Variants in DNAAF5 observed in about 807,000 individuals in gnomAD.
The protein encoded by DNAAF5 is HEAT repeat containing 2.
DNAAF5 carries 64 observed loss-of-function variants against 75.8 expected under a neutral mutation model. The observed-to-expected ratio is 0.84, with a 90% CI of 0.69 to 1.04. DNAAF5 has a LOEUF of 1.04. Ranked by LOEUF, DNAAF5 falls within the 50% of genes least tolerant of loss-of-function variation. DNAAF5 has a pLI of 0.00. For synonymous variants in DNAAF5, 657 were observed against 557.2 expected, an observed-to-expected ratio of 1.18 and a Z score of -2.52; for missense variants, 1,269 against 1,178.5, an observed-to-expected ratio of 1.08 and a Z score of -1.12.
At chr7:776,702 G>T (rs1220145308) in intron 11 of DNAAF5, among the ~76,000 whole-genome samples, 1 of 152,210 alleles carries the variant, frequency 6.6e-6, no homozygotes, top group Non-Finnish European at 1.5e-5. Flanking sequence ...CCGAAAAGCA[G>T]CAGCACTGAA....
chr7:727,308 C>G lies in DNAAF5; in HGVS notation c.588C>G (p.Ala196=), dbSNP rs1187402807. 5 of 1,289,134 alleles carry G rather than the reference C, an allele frequency of 3.9e-6. No individual in the cohort carries two copies. The East Asian group carries it at 9.7e-5, about 25-fold the overall frequency. The allele number at this position is 1,289,134 out of a possible 1,614,324, so 79.9% of individuals were successfully genotyped here. The change falls in exon 1 of 13, where the codon GCC becomes GCG. Residue 196 remains alanine, a synonymous_variant. Transcript: ENST00000297440. ...SCSCAAALAQ[A]TPDHFHMQSE... The stretch of plus-strand genomic sequence containing the variant: ...GCTGCGCCGCCGCCCTGGCGCAGGC[C>G]ACGCCCGGTGAGCACCCCGGGCCCC...
Position 753,440 on chromosome 7 carries a change from C to T in DNAAF5, c.1025-1149C>T, listed in dbSNP as rs187643506. 1.3e-4 allele frequency among the ~76,000 whole-genome samples: 20 copies of T among 152,312 alleles called. No individual in the cohort carries two copies. The East Asian group carries it at 3.5e-3, about 26-fold the overall frequency. On this transcript the variant is annotated intron_variant, in intron 4 of 12. Coordinates refer to ENST00000297440, the MANE Select transcript of DNAAF5 (RefSeq NM_017802.4). ...AGTCACGGGACAGATCCAGGGGTGC[C>T]GGGGTGCCTTGGGGGCTGCAGTGCA... is the stretch of plus-strand genomic sequence containing the variant.
chr7:782,606 G>A (rs186125133), intron 12 of DNAAF5, among the ~76,000 whole-genome samples: 23 of 142,908 alleles, frequency 1.6e-4, no homozygotes, highest in East Asian at 6.3e-4. Flanking sequence ...GTCCCGTTAC[G>A]CAGCGTCAGA....
chr7:780,721 C>T (rs1172294444), intron 12 of DNAAF5, among the ~76,000 whole-genome samples: 3 of 152,236 alleles, frequency 2.0e-5, no homozygotes, highest in Non-Finnish European at 4.4e-5. Flanking sequence ...AGGTCACTCA[C>T]AGCACAGGGC....
chr7:756,362 G>A (rs1282710221), intron 5 of DNAAF5, among the ~76,000 whole-genome samples: 5 of 149,542 alleles, frequency 3.3e-5, no homozygotes, highest in African/African-American at 1.2e-4. Context: ...GGGCTGGTGT[G>A]TGGTGTCCAC....
chr7:751,946 T>C (rs1263689533), intron 4 of DNAAF5, among the ~76,000 whole-genome samples: 1 of 152,060 alleles, frequency 6.6e-6, no homozygotes, highest in Non-Finnish European at 1.5e-5. Context: ...AAACTGATTG[T>C]GAAATTCTCG....
intron 4 of DNAAF5, among the ~76,000 whole-genome samples, chr7:744,229 G>A (rs1184168110): frequency 1.3e-5 from 2 of 152,220 alleles, no homozygotes; most frequent in African/African-American, 4.8e-5. Context: ...TGAGAATGAT[G>A]ATTTTGAATT....
chr7:783,304 G>T (rs1257110191), intron 12 of DNAAF5, among the ~76,000 whole-genome samples: 3 of 152,196 alleles, frequency 2.0e-5, no homozygotes, highest in African/African-American at 7.2e-5. Context: ...AGCCGTGTGC[G>T]TGAGGGTGAG....
intron 8 of DNAAF5, chr7:768,996 G>C: frequency 1.7e-6 from 1 of 600,326 alleles, no homozygotes; most frequent in Non-Finnish European, 3.0e-6. Context: ...TCGGTGCAAC[G>C]CCTCCTGCCC....
chr7:778,224 TGGCGGAAA>T (rs1778827096), intron 11 of DNAAF5: 1 of 152,234 alleles, frequency 6.6e-6, no homozygotes, highest in African/African-American at 2.4e-5. Flanking sequence ...AAACAGGAGC[TGGCGGAAA>T]GGCTGCACGC....
Position 785,936 on chromosome 7 carries a change from C to T in DNAAF5, c.*283C>T. Reference sequence around the variant, plus strand: ...GCTCCTCCCGCAGCCACTTCAGCAGCATCTTAGATTTTAAGCCTCACGTGC... The same window carrying T: ...GCTCCTCCCGCAGCCACTTCAGCAGTATCTTAGATTTTAAGCCTCACGTGC... On this transcript the variant is annotated 3_prime_UTR_variant, in exon 13 of 13. Transcript: ENST00000297440. 1 of 369,766 alleles carries T rather than the reference C, an allele frequency of 2.7e-6. No homozygotes were observed. The highest frequency in any genetic ancestry group is 4.6e-5 in the South Asian group (1 of 21,944). 22.9% of individuals were successfully genotyped at this position (369,766 alleles called of 1,614,324 possible).
chr7:745,810 G>A (rs1359024154), intron 4 of DNAAF5, among the ~76,000 whole-genome samples: 1 of 152,262 alleles, frequency 6.6e-6, no homozygotes, highest in South Asian at 2.1e-4. Context: ...GTTCCCGGAA[G>A]GGGCTTCCTC....
chr7:731,896 G>T (rs1213677485), intron 2 of DNAAF5, among the ~76,000 whole-genome samples: 2 of 152,090 alleles, frequency 1.3e-5, no homozygotes, highest in Non-Finnish European at 2.9e-5. Flanking sequence ...GGAGCTCCAT[G>T]TGGGCTCCTT....
chr7:741,360 A>G lies in DNAAF5; in HGVS notation c.919A>G (p.Ser307Gly), dbSNP rs774985964. 2 of 1,588,588 alleles carry G rather than the reference A, an allele frequency of 1.3e-6. No homozygotes were observed. Among genetic ancestry groups the G allele is most frequent in the Non-Finnish European group, 1.7e-6 (2 of 1,168,692 alleles). ...GTTGTGCCTCAGGCAGCTGGCTGCC[A>G]GCCTCTGGGAGGACGTTGGCCTGCA... ...EVPEVRQLAA[S>G]LWEDVGLQWQ... Residue 307 changes from serine (S) to glycine (G), a missense_variant, in exon 4 of 13, where the codon AGC becomes GGC. Coordinates refer to ENST00000297440, the MANE Select transcript of DNAAF5 (RefSeq NM_017802.4).
chr7:746,625 G>T (rs1332669267), intron 4 of DNAAF5, among the ~76,000 whole-genome samples: 2 of 118,086 alleles, frequency 1.7e-5, no homozygotes, highest in South Asian at 2.9e-4. Flanking sequence ...CCCTCCTTAC[G>T]GTCCTGCCAC....
Position 780,009 on chromosome 7 carries a change from A to G in DNAAF5, c.2296A>G (p.Thr766Ala). The G allele has an allele frequency of 1.2e-6, 2 of 1,614,240 alleles. No individual in the cohort carries two copies. The highest frequency in any genetic ancestry group is 1.7e-6 in the Non-Finnish European group (2 of 1,180,042). ...CGATGTGAGGATGGCAGCCGCCTCC[A>G]CCTTGGTCACCTGGCTGCAGTGTGT... Reference protein sequence around the residue: ...SNDVRMAAASTLVTWLQCVKG... With the variant: ...SNDVRMAAASALVTWLQCVKG... Residue 766 changes from threonine (T) to alanine (A), a missense_variant, in exon 12 of 13, where the codon ACC (threonine) becomes GCC (alanine). Physicochemically the swap from Thr to Ala is moderately conservative, Grantham distance 58. Transcript: ENST00000297440.
chr7:769,083 A>G (rs879458566), intron 8 of DNAAF5: 19 of 720,438 alleles, frequency 2.6e-5, no homozygotes, highest in Non-Finnish European at 4.3e-5. Flanking sequence ...CAGCGAGTAC[A>G]TTGCGTCTCC....
intron 2 of DNAAF5, among the ~76,000 whole-genome samples, chr7:731,088 C>G (rs192153074): frequency 1.3e-5 from 2 of 152,114 alleles, no homozygotes; most frequent in Non-Finnish European, 2.9e-5. Context: ...TGCAGGCGGC[C>G]GGCTGGTTTT....
Position 727,326 on chromosome 7 carries a change from C to T in DNAAF5, c.595+11C>T, listed in dbSNP as rs1423435195. ...CGCAGGCCACGCCCGGTGAGCACCCCGGGCCCCGCTCCCACACGCCACCCC... is the reference window on the plus strand; with the variant it reads ...CGCAGGCCACGCCCGGTGAGCACCCTGGGCCCCGCTCCCACACGCCACCCC... On this transcript the variant is annotated intron_variant, in intron 1 of 12. Coordinates refer to ENST00000297440, the MANE Select transcript of DNAAF5 (RefSeq NM_017802.4). The T allele has an allele frequency of 4.0e-6, 5 of 1,261,048 alleles. No individual in the cohort carries two copies. The highest frequency in any genetic ancestry group is 3.3e-5 in the East Asian group (1 of 30,392). 78.1% of individuals were successfully genotyped at this position (1,261,048 alleles called of 1,614,324 possible). A position where few individuals can be genotyped will look rare whatever the true frequency, so the allele number is the denominator to read the frequency against.
Sources: allele counts gnomAD v4.1 joint callset (sites outside exome capture counted in the v4.1 genomes callset), GRCh38; gene constraint gnomAD v4.1.1; transcripts MANE v1.5; gene names NCBI Gene and HGNC (gene_info 2026-07-23, HGNC 2026-07-21).